The following SDK1 variants were observed in gnomAD, a reference collection of about 807,000 sequenced individuals.
SDK1 encodes the protein sidekick cell adhesion molecule 1.
SDK1 carries 157 observed loss-of-function variants against 245.5 expected under a neutral mutation model. That is an observed-to-expected ratio of 0.64 (90% CI 0.56 to 0.73). The LOEUF (loss-of-function observed/expected upper bound fraction) is 0.73, where lower values mean the gene tolerates loss of function less well. Ranked by LOEUF, SDK1 falls within the 30% of genes least tolerant of loss-of-function variation. SDK1 has a pLI of 0.00. For missense variants in SDK1, 3,583 were observed against 3,002.3 expected (o/e 1.19, Z -4.52); for synonymous variants, 1,647 against 1,278.5 (o/e 1.29, Z -6.15).
chr7:3,827,588 G>A (rs972951981), intron 5 of SDK1, among the ~76,000 whole-genome samples: 9 of 152,364 alleles, frequency 5.9e-5, no homozygotes, highest in African/African-American at 9.6e-5. Flanking sequence ...ACCTACGTGT[G>A]TTGTCAGCTG....
intron 1 of SDK1, among the ~76,000 whole-genome samples, chr7:3,540,142 G>A (rs1779012326): frequency 6.6e-6 from 1 of 152,206 alleles, no homozygotes; most frequent in South Asian, 2.1e-4. Flanking sequence ...TGTGGTGGCT[G>A]ACGCCGGTAA....
At chr7:3,578,761 A>G (rs1780388037) in intron 1 of SDK1, among the ~76,000 whole-genome samples, 1 of 151,778 alleles carries the variant, frequency 6.6e-6, no homozygotes, top group Non-Finnish European at 1.5e-5. Context: ...CTCACCCCAC[A>G]GGCAGTCAGA....
chr7:3,405,817 T>C (rs1420881267), intron 1 of SDK1, among the ~76,000 whole-genome samples: 3 of 148,050 alleles, frequency 2.0e-5, no homozygotes, highest in Admixed American at 1.3e-4. Flanking sequence ...TTTCTTTCTT[T>C]TTTTTTTTTT....
At chr7:4,194,953 G>A (rs1046508718) in intron 35 of SDK1, among the ~76,000 whole-genome samples, 2 of 152,124 alleles carry the variant, frequency 1.3e-5, no homozygotes, top group African/African-American at 4.8e-5. Flanking sequence ...TAGCTAGTCA[G>A]CATTTGAATT....
chr7:3,974,455 G>A lies in SDK1; in HGVS notation c.1904G>A (p.Ser635Asn). The part of the protein sequence containing the change: ...VVEKDGSLLI[S>N]QTWSGDIGDY... ...GAGAAGGACGGGTCCCTTCTCATCA[G>A]CCAGACGTGGTCAGGCGACATCGGT... Residue 635 changes from serine (S) to asparagine (N), a missense_variant, in exon 13 of 45, where the codon AGC becomes AAC. Physicochemically the swap from Ser to Asn is conservative, Grantham distance 46 (BLOSUM62 1). Transcript: ENST00000404826. 1 of 1,614,170 alleles carries A rather than the reference G, an allele frequency of 6.2e-7. No homozygotes were observed. The highest frequency in any genetic ancestry group is 8.5e-7 in the Non-Finnish European group (1 of 1,180,020).
chr7:3,659,813 G>A (rs1419142216), intron 4 of SDK1, among the ~76,000 whole-genome samples: 1 of 152,222 alleles, frequency 6.6e-6, no homozygotes, highest in Admixed American at 6.5e-5. Flanking sequence ...TGAAGACAGG[G>A]TGGATGACGT....
intron 5 of SDK1, among the ~76,000 whole-genome samples, chr7:3,839,794 A>T (rs561363111): frequency 6.6e-6 from 1 of 152,240 alleles, no homozygotes; most frequent in Non-Finnish European, 1.5e-5. Context: ...AGCAATTATG[A>T]TGGATAATCA....
chr7:3,581,101 G>C (rs909819217), intron 1 of SDK1, among the ~76,000 whole-genome samples: 1 of 150,948 alleles, frequency 6.6e-6, no homozygotes, highest in East Asian at 1.9e-4. Context: ...AAAAGCAAAA[G>C]TTGACAAATG....
At chr7:4,039,638 C>T (rs1788467374) in intron 17 of SDK1, among the ~76,000 whole-genome samples, 1 of 152,150 alleles carries the variant, frequency 6.6e-6, no homozygotes, top group Admixed American at 6.5e-5. Context: ...GATGTCATCT[C>T]TGATCCAAAA....
At chr7:3,714,575 T>C (rs1785145795) in intron 4 of SDK1, among the ~76,000 whole-genome samples, 1 of 152,230 alleles carries the variant, frequency 6.6e-6, no homozygotes, top group South Asian at 2.1e-4. Flanking sequence ...TTAGCATTAC[T>C]ACATTGTAAC....
chr7:3,600,653 A>G (rs1050277864), intron 1 of SDK1, among the ~76,000 whole-genome samples: 1 of 142,908 alleles, frequency 7.0e-6, no homozygotes, highest in Non-Finnish European at 1.5e-5. Flanking sequence ...GGTTCACGCC[A>G]TTCTCCTACC....
At chr7:3,803,319 T>C (rs1408742002) in intron 4 of SDK1, among the ~76,000 whole-genome samples, 9 of 151,518 alleles carry the variant, frequency 5.9e-5, no homozygotes, top group Non-Finnish European at 1.3e-4. Context: ...TTCTTTCTTT[T>C]TTTTTTTTGG....
At chr7:3,551,515 G>C (rs2614949) in intron 1 of SDK1, among the ~76,000 whole-genome samples, 141,560 of 152,110 alleles carry the variant, frequency 0.93, 66,006 homozygotes, top group East Asian at 1. Flanking sequence ...TTGTTAATAA[G>C]TTGTGCATCA....
chr7:3,639,126 G>A lies in SDK1; in HGVS notation c.565+16G>A, dbSNP rs1370533028. On this transcript the variant is annotated intron_variant, in intron 3 of 44. Coordinates refer to ENST00000404826, the MANE Select transcript of SDK1 (RefSeq NM_152744.4). ...CAAGTCGCATGTATGTGTACAGTAA[G>A]GAGATGTCCAAATGTTAAAGAACAA... is the stretch of plus-strand genomic sequence containing the variant. 6.9e-7 allele frequency: 1 copy of A among 1,441,346 alleles called. No homozygotes were observed. The highest frequency in any genetic ancestry group is 1.8e-5 in the Admixed American group (1 of 56,574). The allele number at this position is 1,441,346 out of a possible 1,614,324, so 89.3% of individuals were successfully genotyped here. A position where few individuals can be genotyped will look rare whatever the true frequency, so the allele number is the denominator to read the frequency against.
At chr7:4,179,062 G>T in intron 35 of SDK1, 1 of 155,616 alleles carries the variant, frequency 6.4e-6, no homozygotes, top group Non-Finnish European at 1.4e-5. Flanking sequence ...TGACTGTTGG[G>T]TCTGATTCAA....
At chr7:3,516,404 T>C (rs1462518067) in intron 1 of SDK1, among the ~76,000 whole-genome samples, 3 of 152,104 alleles carry the variant, frequency 2.0e-5, no homozygotes, top group Non-Finnish European at 4.4e-5. Flanking sequence ...AACCAACAAC[T>C]AACTTTTATA....
intron 1 of SDK1, among the ~76,000 whole-genome samples, chr7:3,601,249 G>A (rs994963621): frequency 6.6e-6 from 1 of 152,106 alleles, no homozygotes; most frequent in Admixed American, 6.5e-5. Context: ...ATTGGGAGAT[G>A]TTTCTTTCTC....
intron 5 of SDK1, among the ~76,000 whole-genome samples, chr7:3,940,765 G>A (rs1209315094): frequency 1.3e-5 from 2 of 151,988 alleles, no homozygotes; most frequent in Non-Finnish European, 1.5e-5. Flanking sequence ...AGGTTGCAGT[G>A]AGCCGAGATC....
At chr7:3,872,034 C>G (rs1014257248) in intron 5 of SDK1, among the ~76,000 whole-genome samples, 11 of 151,470 alleles carry the variant, frequency 7.3e-5, no homozygotes, top group African/African-American at 2.2e-4. Flanking sequence ...TCTTTTCTTG[C>G]ATCTATTGAG....
Sources: allele counts gnomAD v4.1 joint callset (sites outside exome capture counted in the v4.1 genomes callset), GRCh38; gene constraint gnomAD v4.1.1; transcripts MANE v1.5; gene names NCBI Gene and HGNC (gene_info 2026-07-23, HGNC 2026-07-21).